The following OPHN1 variants were observed in gnomAD, a reference collection of about 807,000 sequenced individuals.
OPHN1 encodes the protein oligophrenin 1, also known as oligophrenin-1.
OPHN1 carries 11 observed loss-of-function variants against 60.7 expected under a neutral mutation model. The observed-to-expected ratio is 0.18, with a 90% confidence interval of 0.11 to 0.30. The LOEUF (loss-of-function observed/expected upper bound fraction) is 0.30, where lower values mean the gene tolerates loss of function less well. Ranked by LOEUF, OPHN1 falls within the 10% of genes least tolerant of loss-of-function variation. OPHN1 has a pLI of 1.00. For synonymous variants in OPHN1, 226 were observed against 222.6 expected (o/e 1.02, Z -0.14); for missense variants, 449 against 611.0 (o/e 0.73, Z 2.80).
At chrX:68,394,756 C>A (rs1006314426) in intron 2 of OPHN1, among the ~76,000 whole-genome samples, 1 of 111,325 alleles carries the variant, frequency 9.0e-6, no homozygotes, top group African/African-American at 3.3e-5. Flanking sequence ...AAGTGATTTA[C>A]CTGCCTCACC....
chrX:68,313,848 A>G lies in OPHN1; in HGVS notation c.155-14752T>C, dbSNP rs73534879. ...ATTTTAAAATAACTAAAAGAGTATA[A>G]TTGGTTTACAGTACAAATAAATGAT... On this transcript the variant is annotated intron_variant, in intron 2 of 24. Transcript: ENST00000355520. Among the ~76,000 whole-genome samples, 770 of 111,769 alleles carry G rather than the reference A, an allele frequency of 6.9e-3. 7 individuals are homozygous for G. Among genetic ancestry groups the G allele is most frequent in the African/African-American group, 0.024 (742 of 30,765 alleles).
rs1214571547 is a variant in OPHN1 at position 68,230,384 on chromosome X, T to C, written c.486+4103A>G. ...TTCCTCAAGGATCTAGAACTAGAAATACTATTTGACCCAGCCATCCCATTA... is the reference window on the plus strand; with the variant it reads ...TTCCTCAAGGATCTAGAACTAGAAACACTATTTGACCCAGCCATCCCATTA... On this transcript the variant is annotated intron_variant, in intron 6 of 24. Transcript: ENST00000355520. Among the ~76,000 whole-genome samples the C allele has an allele frequency of 2.7e-5, 3 of 111,379 alleles. No homozygotes were observed. The East Asian group carries it at 8.5e-4, about 32-fold the overall frequency.
intron 2 of OPHN1, among the ~76,000 whole-genome samples, chrX:68,381,387 C>T (rs2078595729): frequency 9.0e-6 from 1 of 111,481 alleles, no homozygotes; most frequent in South Asian, 3.8e-4. Flanking sequence ...TGCTCTACCC[C>T]CAGTGGCTGC....
intron 6 of OPHN1, among the ~76,000 whole-genome samples, chrX:68,216,630 A>T (rs1349470471): frequency 9.0e-6 from 1 of 111,654 alleles, no homozygotes; most frequent in African/African-American, 3.3e-5. Context: ...AACAAAAATA[A>T]ATAAATGAGA....
intron 15 of OPHN1, chrX:68,133,236 T>G: frequency 1.4e-6 from 1 of 690,277 alleles, no homozygotes; most frequent in Non-Finnish European, 2.4e-6. Context: ...TCCTCATGGA[T>G]GAAGAAGGAC....
chrX:68,133,540 G>A (rs2077206938), intron 15 of OPHN1: 1 of 431,171 alleles, frequency 2.3e-6, no homozygotes, highest in South Asian at 2.5e-5. Context: ...CTTCAATTTT[G>A]CATCCTGAGA....
intron 2 of OPHN1, among the ~76,000 whole-genome samples, chrX:68,340,833 G>GTC (rs2078347488): frequency 9.1e-6 from 1 of 110,131 alleles, no homozygotes; most frequent in African/African-American, 3.3e-5. Flanking sequence ...ATGAAACCCT[G>GTC]TCTCTACTAA....
intron 15 of OPHN1, among the ~76,000 whole-genome samples, chrX:68,167,448 A>G (rs1488988261): frequency 2.7e-5 from 3 of 111,011 alleles, no homozygotes; most frequent in Non-Finnish European, 1.9e-5. Flanking sequence ...AGGTTCCACA[A>G]AAAATCTCAA....
chrX:68,172,492 G>T (rs952463241), intron 15 of OPHN1, among the ~76,000 whole-genome samples: 2 of 111,364 alleles, frequency 1.8e-5, no homozygotes, highest in African/African-American at 6.5e-5. Context: ...ATGTAGCTGA[G>T]GGATCTTATT....
chrX:68,070,742 T>G, intron 20 of OPHN1: 3 of 1,129,238 alleles, frequency 2.7e-6, no homozygotes, highest in Non-Finnish European at 3.7e-6. Flanking sequence ...AAGCTTCCCA[T>G]TCAAATACCC....
chrX:68,352,089 C>G (rs2078416124), intron 2 of OPHN1, among the ~76,000 whole-genome samples: 1 of 108,469 alleles, frequency 9.2e-6, no homozygotes, highest in African/African-American at 3.4e-5. Flanking sequence ...CCGTGTTAGC[C>G]AGGATGATCT....
At chrX:68,049,266 T>C (rs1445578212) in intron 23 of OPHN1, among the ~76,000 whole-genome samples, 1 of 112,036 alleles carries the variant, frequency 8.9e-6, no homozygotes, top group Non-Finnish European at 1.9e-5. Flanking sequence ...TACCTAAGTC[T>C]CAAAGTGTCT....
chrX:68,323,033 G>A (rs770045255), intron 2 of OPHN1, among the ~76,000 whole-genome samples: 1 of 111,467 alleles, frequency 9.0e-6, no homozygotes, highest in African/African-American at 3.3e-5. Flanking sequence ...GGAAGTGTGT[G>A]GGCGTGAATA....
chrX:68,432,644 G>A (rs1275584197), intron 2 of OPHN1, among the ~76,000 whole-genome samples: 2 of 111,466 alleles, frequency 1.8e-5, no homozygotes, highest in African/African-American at 6.5e-5. Flanking sequence ...TACGGATCAC[G>A]TCTTATAAGG....
rs1220595422 is a variant in OPHN1, at chrX:68,327,793, A to T, written c.155-28697T>A. Among the ~76,000 whole-genome samples, 7 of 80,528 alleles carry T rather than the reference A, an allele frequency of 8.7e-5. No homozygotes were observed. The South Asian group carries it at 2.3e-3, about 26-fold the overall frequency. The allele number at this position is 80,528 out of a possible 115,157, so 69.9% of individuals were successfully genotyped here. A position where few individuals can be genotyped will look rare whatever the true frequency, so the allele number is the denominator to read the frequency against. On this transcript the variant is annotated intron_variant, in intron 2 of 24. Transcript: ENST00000355520. ...TGATCAATAAAAATAAAAAATAAAA[A>T]AAATAAAAAAAAAAAAAAAAAAAAT...
At chrX:68,210,350 A>G in intron 8 of OPHN1, 68 bp from the exon 9 acceptor site, 2 of 1,093,692 alleles carry the variant, frequency 1.8e-6, no homozygotes, top group Non-Finnish European at 2.5e-6. Flanking sequence ...TTTCTTGGTC[A>G]GAGACTCAGT....
intron 21 of OPHN1, among the ~76,000 whole-genome samples, chrX:68,057,957 T>G (rs2076879348): frequency 9.0e-6 from 1 of 111,592 alleles, no homozygotes; most frequent in African/African-American, 3.3e-5. Context: ...TCTATAAGCC[T>G]CTATCTCTCC....
intron 15 of OPHN1, among the ~76,000 whole-genome samples, chrX:68,180,330 A>G (rs1289874852): frequency 3.6e-5 from 4 of 112,069 alleles, no homozygotes; most frequent in Non-Finnish European, 5.6e-5. Context: ...TTCTGAACAC[A>G]TTTTAATGCT....
chrX:68,148,541 G>A (rs2077272970), intron 15 of OPHN1, among the ~76,000 whole-genome samples: 1 of 110,164 alleles, frequency 9.1e-6, no homozygotes, highest in African/African-American at 3.3e-5. Flanking sequence ...AGAATATGAG[G>A]AGGAAAATGC....
Sources: allele counts gnomAD v4.1 joint callset (sites outside exome capture counted in the v4.1 genomes callset), GRCh38; gene constraint gnomAD v4.1.1; transcripts MANE v1.5; gene names NCBI Gene and HGNC (gene_info 2026-07-23, HGNC 2026-07-21).